The following MALRD1 variants were observed in gnomAD, a reference collection of about 807,000 sequenced individuals.
MALRD1 encodes MAM and LDL receptor class A domain containing 1, also known as MAM and LDL-receptor class A domain-containing protein 1.
Under a neutral mutation model 242.1 loss-of-function variants are expected in MALRD1, and 247 were observed. The observed-to-expected ratio is 1.02, with a 90% CI of 0.92 to 1.13. The LOEUF (loss-of-function observed/expected upper bound fraction) is 1.13. MALRD1 is among the 50% of genes most tolerant of loss of function. The pLI is 0.00. For missense variants in MALRD1, 2,989 were observed against 2,533.1 expected, an observed-to-expected ratio of 1.18 and a Z score of -3.86; for synonymous variants, 995 against 866.6, an observed-to-expected ratio of 1.15 and a Z score of -2.60.
intron 4 of MALRD1, among the ~76,000 whole-genome samples, chr10:19,098,083 C>A (rs1292050058): frequency 1.3e-5 from 2 of 152,134 alleles, no homozygotes; most frequent in Non-Finnish European, 2.9e-5. Context: ...AGATCCAAGA[C>A]CCTCTCTTGG....
At chr10:19,472,962 A>G (rs1836567514) in intron 29 of MALRD1, among the ~76,000 whole-genome samples, 1 of 151,044 alleles carries the variant, frequency 6.6e-6, no homozygotes, top group Non-Finnish European at 1.5e-5. Context: ...TATCCTTCGC[A>G]TATATTTTTT....
intron 1 of MALRD1, among the ~76,000 whole-genome samples, chr10:19,057,599 G>C (rs1834706145): frequency 6.6e-6 from 1 of 152,128 alleles, no homozygotes; most frequent in African/African-American, 2.4e-5. Context: ...AATATGTAGA[G>C]CCTATTGGAA....
At chr10:19,177,386 G>A (rs12767380) in intron 14 of MALRD1, among the ~76,000 whole-genome samples, 29,073 of 151,588 alleles carry the variant, frequency 0.19, 3,060 homozygotes, top group Admixed American at 0.27. Flanking sequence ...CCACATCACC[G>A]GAATCATAAT....
intron 26 of MALRD1, among the ~76,000 whole-genome samples, chr10:19,377,427 A>G (rs1845656211): frequency 6.6e-6 from 1 of 152,138 alleles, no homozygotes; most frequent in Non-Finnish European, 1.5e-5. Context: ...TTCTGGAACT[A>G]AATTATCTAG....
chr10:19,717,017 C>A (rs1406244963), intron 38 of MALRD1: 1 of 152,122 alleles, frequency 6.6e-6, no homozygotes, highest in African/African-American at 2.4e-5. Flanking sequence ...TCTCATTTTT[C>A]TTTGGATGTT....
At chr10:19,580,496 G>A (rs183556785) in intron 33 of MALRD1, among the ~76,000 whole-genome samples, 76 of 152,206 alleles carry the variant, frequency 5.0e-4, no homozygotes, top group Non-Finnish European at 7.8e-4. Flanking sequence ...CCACTGCCCA[G>A]CTATCTTCTC....
At chr10:19,713,137 G>T (rs1043944374) in intron 38 of MALRD1, among the ~76,000 whole-genome samples, 2 of 150,844 alleles carry the variant, frequency 1.3e-5, no homozygotes, top group East Asian at 3.9e-4. Flanking sequence ...CTTCTTTCTT[G>T]CCTATTAAAC....
At chr10:19,457,473 A>G (rs1363661894) in intron 29 of MALRD1, among the ~76,000 whole-genome samples, 3 of 152,080 alleles carry the variant, frequency 2.0e-5, no homozygotes, top group Admixed American at 1.3e-4. Flanking sequence ...GGTGGATGTA[A>G]TCTCATCTGT....
chr10:19,590,536 G>A (rs11010602), intron 33 of MALRD1, among the ~76,000 whole-genome samples: 5,469 of 151,520 alleles, frequency 0.036, 148 homozygotes, highest in Non-Finnish European at 0.052. Context: ...AGCTTCCCAG[G>A]GAACCTGGCT....
chr10:19,184,574 G>A (rs1291057514), intron 14 of MALRD1, among the ~76,000 whole-genome samples: 1 of 151,864 alleles, frequency 6.6e-6, no homozygotes, highest in African/African-American at 2.4e-5. Context: ...TTTGAAACAG[G>A]GTCTTGGTCT....
intron 38 of MALRD1, among the ~76,000 whole-genome samples, chr10:19,725,276 C>G (rs1834969189): frequency 6.6e-6 from 1 of 152,096 alleles, no homozygotes; most frequent in Non-Finnish European, 1.5e-5. Context: ...GGTGGTTACC[C>G]TCATGCTGCT....
At chr10:19,704,528 G>A (rs1002413635) in intron 38 of MALRD1, among the ~76,000 whole-genome samples, 5 of 152,080 alleles carry the variant, frequency 3.3e-5, no homozygotes, top group Admixed American at 6.5e-5. Context: ...GCTTTAATAG[G>A]GCTTCAAGAT....
chr10:19,264,273 G>A (rs142613874), intron 19 of MALRD1, among the ~76,000 whole-genome samples: 35 of 152,008 alleles, frequency 2.3e-4, no homozygotes, highest in African/African-American at 8.4e-4. Context: ...TATGTCCCAG[G>A]GATAAATTCC....
In MALRD1 at chr10:19,191,894, A is replaced by G. The variant is rs529435571; in HGVS notation, c.1952-11834A>G. ...GCATCTGTAATCCCAGCTACTCAGG[A>G]GGCTGAGGCAGGAGAATTGCTTGAA... On this transcript the variant is annotated intron_variant, in intron 14 of 39. Coordinates refer to ENST00000454679, the MANE Select transcript of MALRD1 (RefSeq NM_001142308.3). Among the ~76,000 whole-genome samples, 75 of 152,218 alleles carry G rather than the reference A, an allele frequency of 4.9e-4. 1 individual carries two copies. In the South Asian group the frequency reaches 0.011, roughly 23 times the overall value.
intron 36 of MALRD1, among the ~76,000 whole-genome samples, chr10:19,679,233 G>A (rs2131786611): frequency 6.6e-6 from 1 of 152,300 alleles, no homozygotes; most frequent in East Asian, 1.9e-4. Flanking sequence ...AGAAGGAATG[G>A]TACCAGCTTC....
At chr10:19,480,540 A>G (rs1053501422) in intron 29 of MALRD1, among the ~76,000 whole-genome samples, 2 of 152,232 alleles carry the variant, frequency 1.3e-5, no homozygotes, top group African/African-American at 4.8e-5. Flanking sequence ...CATTTTCGGC[A>G]TATCAGCAGT....
chr10:19,642,471 C>A (rs967922945), intron 36 of MALRD1, among the ~76,000 whole-genome samples: 2 of 152,082 alleles, frequency 1.3e-5, no homozygotes, highest in Non-Finnish European at 2.9e-5. Context: ...TGCTACCTCC[C>A]ATTCTCAGTA....
chr10:19,410,679 C>CTTTTTTTTTTTTT (rs58147034), intron 28 of MALRD1, among the ~76,000 whole-genome samples: 2 of 132,914 alleles, frequency 1.5e-5, no homozygotes, highest in African/African-American at 2.8e-5. Context: ...TCCTTCCTTC[C>CTTTTTTTTTTTTT]TTTTTTTTTT....
At chr10:19,438,626 C>G (rs185090014) in intron 28 of MALRD1, among the ~76,000 whole-genome samples, 3 of 152,264 alleles carry the variant, frequency 2.0e-5, no homozygotes, top group Non-Finnish European at 2.9e-5. Flanking sequence ...CCAACGTGCA[C>G]AAGAATTCCT....
Sources: gnomAD v4.1 joint callset for allele counts (sites outside exome capture counted in the v4.1 genomes callset) on GRCh38, gnomAD v4.1.1 for gene constraint, MANE v1.5 for transcripts, NCBI Gene and HGNC (gene_info 2026-07-23, HGNC 2026-07-21) for gene names.